Variants in CYTH1 observed in about 807,000 individuals in gnomAD.
The protein encoded by CYTH1 is cytohesin-1.
In CYTH1, 18 loss-of-function variants were observed where a neutral mutation model predicts 61.8. The observed-to-expected ratio is 0.29, with a 90% confidence interval of 0.20 to 0.43. The LOEUF is 0.43. CYTH1 is among the 20% of genes least tolerant of loss of function. CYTH1 has a pLI of 1.00. For synonymous variants in CYTH1, 174 were observed against 184.3 expected, an observed-to-expected ratio of 0.94 and a Z score of 0.45; for missense variants, 336 against 510.5, an observed-to-expected ratio of 0.66 and a Z score of 3.29.
intron 9 of CYTH1, 107 bp downstream of exon 9, chr17:78,698,162 C>T (rs371139519): frequency 4.4e-5 from 41 of 922,642 alleles, no homozygotes; most frequent in African/African-American, 2.0e-4. Context: ...CACATGCACA[C>T]GCACAAACAC....
intron 3 of CYTH1, among the ~76,000 whole-genome samples, chr17:78,704,511 G>A (rs1294270361): frequency 4.6e-5 from 7 of 152,108 alleles, no homozygotes; most frequent in Admixed American, 4.6e-4. Flanking sequence ...TTTGAGGGTT[G>A]GTGTTTTTTG....
chr17:78,758,035 T>C (rs540612036), intron 1 of CYTH1, among the ~76,000 whole-genome samples: 2 of 152,320 alleles, frequency 1.3e-5, no homozygotes, highest in African/African-American at 2.4e-5. Flanking sequence ...GAAAACCCAT[T>C]TGGCAGTACA....
At chr17:78,725,208 C>T (rs1283735737) in intron 1 of CYTH1, among the ~76,000 whole-genome samples, 9 of 152,188 alleles carry the variant, frequency 5.9e-5, no homozygotes, top group Admixed American at 5.9e-4. Context: ...TCCGTCGAGT[C>T]TTACCTCCTA....
rs2092946230 is a variant in CYTH1, at chr17:78,697,024, G to C, written c.812-1015C>G. On this transcript the variant is annotated intron_variant, in intron 9 of 13. Transcript: ENST00000446868. ...GCCAATTCAAGAGATATTTAAAACT[G>C]ATCGGTGAAGTGGTGCTGTAAGGGG... Among the ~76,000 whole-genome samples, 3 of 152,290 alleles carry C rather than the reference G, an allele frequency of 2.0e-5. No homozygotes were observed. The South Asian group carries it at 6.2e-4, about 32-fold the overall frequency.
intron 1 of CYTH1, among the ~76,000 whole-genome samples, chr17:78,770,192 C>T (rs1017903751): frequency 1.4e-4 from 21 of 150,368 alleles, no homozygotes; most frequent in African/African-American, 5.1e-4. Flanking sequence ...GGCATGGTGG[C>T]GGGTGTCTGT....
At chr17:78,776,985 C>T (rs529870367) in intron 1 of CYTH1, among the ~76,000 whole-genome samples, 24 of 151,732 alleles carry the variant, frequency 1.6e-4, no homozygotes, top group African/African-American at 2.2e-4. Flanking sequence ...ATTAGCCAGG[C>T]GTGGTGACGC....
rs1355435972 is a variant in CYTH1 at position 78,730,654 on chromosome 17, GA to G, written c.23-20923del. On this transcript the variant is annotated intron_variant, in intron 1 of 13. Transcript: ENST00000446868. Reference sequence around the variant, plus strand: ...GAAGGAAGAACATGATACAAGTTACGAAATTATTATTATTATTTTTTTGTTT... The same window carrying G: ...GAAGGAAGAACATGATACAAGTTACGAATTATTATTATTATTTTTTTGTTT... 2.0e-5 allele frequency among the ~76,000 whole-genome samples: 3 copies of G among 151,676 alleles called. No individual in the cohort carries two copies. In the East Asian group the frequency reaches 5.8e-4, roughly 29 times the overall value.
intron 11 of CYTH1, among the ~76,000 whole-genome samples, chr17:78,685,352 A>T (rs1221951855): frequency 1.1e-5 from 1 of 92,876 alleles, no homozygotes; most frequent in East Asian, 3.4e-4. Context: ...CCTGATTTTT[A>T]TTATTTCACT....
intron 1 of CYTH1, among the ~76,000 whole-genome samples, chr17:78,725,402 T>A (rs992723561): frequency 1.3e-5 from 2 of 152,228 alleles, no homozygotes; most frequent in African/African-American, 4.8e-5. Flanking sequence ...TCCCAGGGAT[T>A]TCATGTGAGA....
At chr17:78,771,743 AAAAG>A (rs995354141) in intron 1 of CYTH1, among the ~76,000 whole-genome samples, 7 of 151,990 alleles carry the variant, frequency 4.6e-5, no homozygotes, top group Non-Finnish European at 5.9e-5. Flanking sequence ...AAAAAAAAAA[AAAAG>A]AAAGAAAAGA....
chr17:78,764,094 G>T (rs765308791), intron 1 of CYTH1, among the ~76,000 whole-genome samples: 5 of 152,042 alleles, frequency 3.3e-5, no homozygotes, highest in Non-Finnish European at 7.4e-5. Context: ...CTGGGTGACA[G>T]AGCGAGAGTC....
In CYTH1 at chr17:78,698,193, G is replaced by A. The variant is rs545940153; in HGVS notation, c.811+76C>T. 1.7e-4 allele frequency: 209 copies of A among 1,198,494 alleles called. 1 individual carries two copies. Among genetic ancestry groups the A allele is most frequent in the South Asian group, 1.7e-3 (139 of 80,242 alleles). The allele number at this position is 1,198,494 out of a possible 1,614,324, so 74.2% of individuals were successfully genotyped here. A position where few individuals can be genotyped will look rare whatever the true frequency, so the allele number is the denominator to read the frequency against. The stretch of plus-strand genomic sequence containing the variant: ...AACACGCACACGCGCACACACGCAC[G>A]CACGCACACACGCACACACACCGCC... On this transcript the variant is annotated intron_variant, in intron 9 of 13. Transcript: ENST00000446868.
chr17:78,773,262 G>A (rs553243553), intron 1 of CYTH1, among the ~76,000 whole-genome samples: 1 of 152,234 alleles, frequency 6.6e-6, no homozygotes, highest in South Asian at 2.1e-4. Flanking sequence ...TTGAGGCCAG[G>A]AGTTCAAGAC....
chr17:78,758,018 A>C (rs909232180), intron 1 of CYTH1, among the ~76,000 whole-genome samples: 1 of 152,202 alleles, frequency 6.6e-6, no homozygotes, highest in African/African-American at 2.4e-5. Context: ...ACTGATTCAC[A>C]CTTTCTGAAA....
chr17:78,720,998 G>T (rs2093223733), intron 1 of CYTH1, among the ~76,000 whole-genome samples: 1 of 152,220 alleles, frequency 6.6e-6, no homozygotes, highest in Admixed American at 6.5e-5. Flanking sequence ...TTTAAAATAA[G>T]TATCTCACCA....
At chr17:78,764,819 TA>T (rs1394519625) in intron 1 of CYTH1, among the ~76,000 whole-genome samples, 1 of 151,918 alleles carries the variant, frequency 6.6e-6, no homozygotes, top group African/African-American at 2.4e-5. Flanking sequence ...GCACATGGGA[TA>T]GGGGAGAGTA....
intron 1 of CYTH1, among the ~76,000 whole-genome samples, chr17:78,770,980 T>C (rs1301179084): frequency 6.6e-6 from 1 of 152,036 alleles, no homozygotes. Flanking sequence ...ATACAAAAAC[T>C]GGCCAGGCGC....
At chr17:78,676,229 C>G (rs1441673192) in intron 13 of CYTH1, 60 bp from the exon 14 acceptor site, 5 of 1,535,104 alleles carry the variant, frequency 3.3e-6, no homozygotes, top group East Asian at 2.4e-5. Context: ...AGAAACACAC[C>G]CAGGCAGGGG....
chr17:78,698,858 T>G lies in CYTH1; in HGVS notation c.661A>C (p.Ile221Leu), dbSNP rs747817213. Residue 221 changes from isoleucine (I) to leucine (L), a missense_variant, in exon 8 of 14, where the codon ATC becomes CTC. By Grantham distance (5) the Ile-to-Leu change is conservative. Around this residue, in one of 4 missense-constraint regions of CYTH1, gnomAD observed 125 missense variants for 209.9 expected, o/e 0.60. Transcript: ENST00000446868. ...VERFIAMNRGINDGGDLPEEL... is the reference protein window; with the variant it reads ...VERFIAMNRGLNDGGDLPEEL... ...TCCGGCAGGTCTCCCCCATCATTGA[T>G]GCCTCGGTTCATGGCAATGAACCTC... 5 of 1,599,334 alleles carry G rather than the reference T, an allele frequency of 3.1e-6. No individual in the cohort carries two copies. Among genetic ancestry groups the G allele is most frequent in the Non-Finnish European group, 4.3e-6 (5 of 1,175,982 alleles).
Sources: gnomAD v4.1 joint callset for allele counts (sites outside exome capture counted in the v4.1 genomes callset) on GRCh38, gnomAD v4.1.1 for gene constraint, gnomAD v4.1.1 regional missense constraint, MANE v1.5 for transcripts, NCBI Gene and HGNC (gene_info 2026-07-23, HGNC 2026-07-21) for gene names.